TNS1: variants seen among roughly 807,000 people sequenced by gnomAD.
TNS1 encodes tensin 1.
Under a neutral mutation model 168.6 loss-of-function variants are expected in TNS1, and 62 were observed. The observed-to-expected ratio is 0.37, with a 90% CI of 0.30 to 0.45. The LOEUF (loss-of-function observed/expected upper bound fraction) is 0.45, where lower values mean the gene tolerates loss of function less well. Ranked by LOEUF, TNS1 falls within the 20% of genes least tolerant of loss-of-function variation. The pLI, the probability that TNS1 is intolerant of heterozygous loss-of-function variation, is 1.00. For synonymous variants in TNS1, 934 were observed against 933.2 expected (o/e 1.00, Z -0.02); for missense variants, 2,240 against 2,339.4 (o/e 0.96, Z 0.88).
chr2:217,985,702 G>T (rs142044357), intron 2 of TNS1: 4 of 152,098 alleles, frequency 2.6e-5, no homozygotes, highest in Admixed American at 1.3e-4. Flanking sequence ...GATTACAGAC[G>T]GGAGCCACTG....
chr2:217,949,662 G>A (rs910898360), intron 3 of TNS1, among the ~76,000 whole-genome samples: 1 of 152,068 alleles, frequency 6.6e-6, no homozygotes, highest in South Asian at 2.1e-4. Flanking sequence ...TCCATCCTCT[G>A]CCCTGGCTTG....
chr2:217,882,669 T>G (rs1950793097), intron 16 of TNS1, among the ~76,000 whole-genome samples: 1 of 152,204 alleles, frequency 6.6e-6, no homozygotes, highest in Non-Finnish European at 1.5e-5. Context: ...GCTTTTCTAC[T>G]AGCAATTTAC....
chr2:217,850,733 G>A (rs1459771374), intron 18 of TNS1, among the ~76,000 whole-genome samples: 2 of 151,896 alleles, frequency 1.3e-5, no homozygotes, highest in African/African-American at 4.8e-5. Flanking sequence ...GTCACACACC[G>A]AGCCAGACAA....
chr2:217,813,278 A>G lies in TNS1; in HGVS notation c.4891T>C (p.Phe1631Leu). The change falls in exon 27 of 33, where the codon TTT becomes CTT. Residue 1631 changes from phenylalanine to leucine, a missense_variant. Around this residue, in one of 2 missense-constraint regions of TNS1, gnomAD observed 2,131 missense variants for 2,171.2 expected, o/e 0.98. Coordinates refer to ENST00000682258, the MANE Select transcript of TNS1 (RefSeq NM_001387777.1). This position sits in a 1 kb window ranked among gnomAD's most constrained non-coding sequence, Gnocchi z 4.0. ...GDMTHELVRH[F>L]LIETGPRGVK... ...CCTCTGGGGCCAGTCTCTATCAGAA[A>G]ATGCCTGACCAGCTCATGGGTCATG... 1 of 1,598,436 alleles carries G rather than the reference A, an allele frequency of 6.3e-7. No individual in the cohort carries two copies. The highest frequency in any genetic ancestry group is 8.5e-7 in the Non-Finnish European group (1 of 1,171,284).
chr2:217,811,045 A>AT (rs994923705), intron 28 of TNS1, among the ~76,000 whole-genome samples: 3 of 152,054 alleles, frequency 2.0e-5, no homozygotes, highest in African/African-American at 7.3e-5. Flanking sequence ...TGCCTGGATA[A>AT]TTTTTTTACT....
chr2:217,924,288 C>T, intron 3 of TNS1, among the ~76,000 whole-genome samples: 1 of 151,934 alleles, frequency 6.6e-6, no homozygotes, highest in Admixed American at 6.5e-5. Flanking sequence ...CTCCCTAATT[C>T]CCTTATGTTT....
At chr2:217,819,732 C>A (rs1942512443) in intron 23 of TNS1, among the ~76,000 whole-genome samples, 1 of 152,148 alleles carries the variant, frequency 6.6e-6, no homozygotes, top group Non-Finnish European at 1.5e-5. Context: ...TCCTTCTAGA[C>A]CCAAATTTCT....
chr2:217,941,918 C>G (rs1956930147), intron 3 of TNS1, among the ~76,000 whole-genome samples: 2 of 152,180 alleles, frequency 1.3e-5, no homozygotes, highest in Non-Finnish European at 2.9e-5. Flanking sequence ...TGGGTAGAAA[C>G]AGGAGCCTGA....
At chr2:217,915,500 C>T (rs942639025) in intron 4 of TNS1, among the ~76,000 whole-genome samples, 32 of 152,196 alleles carry the variant, frequency 2.1e-4, no homozygotes, top group African/African-American at 6.5e-4. Context: ...TAGAACAGTG[C>T]CTGGCACTGA....
chr2:217,944,521 C>T (rs1216522708), intron 3 of TNS1, among the ~76,000 whole-genome samples: 1 of 152,248 alleles, frequency 6.6e-6, no homozygotes, highest in African/African-American at 2.4e-5. Context: ...TTCTACAGCA[C>T]TCTGCTTTCC....
chr2:217,912,873 C>A (rs940611602), intron 4 of TNS1, among the ~76,000 whole-genome samples: 1 of 152,180 alleles, frequency 6.6e-6, no homozygotes, highest in Non-Finnish European at 1.5e-5. Context: ...GTGCCCCGTG[C>A]CTCCCAAGGC....
intron 18 of TNS1, among the ~76,000 whole-genome samples, chr2:217,866,766 C>T (rs567070146): frequency 6.6e-6 from 1 of 152,300 alleles, no homozygotes; most frequent in Admixed American, 6.5e-5. Context: ...GCCACTGTGG[C>T]TCCAGATCCC....
chr2:218,000,528 A>G (rs985347047), intron 1 of TNS1, among the ~76,000 whole-genome samples: 1 of 152,266 alleles, frequency 6.6e-6, no homozygotes, highest in Non-Finnish European at 1.5e-5. Flanking sequence ...CTGAGCACCT[A>G]CTGCATGCCT....
chr2:217,859,668 A>G (rs112916393), intron 18 of TNS1: 2 of 1,536,238 alleles, frequency 1.3e-6, no homozygotes, highest in African/African-American at 1.4e-5. Context: ...GATGCTTCCA[A>G]TTGACTGGCT....
At chr2:217,998,667 C>T (rs1958510596) in intron 1 of TNS1, among the ~76,000 whole-genome samples, 1 of 152,150 alleles carries the variant, frequency 6.6e-6, no homozygotes, top group African/African-American at 2.4e-5. Context: ...GCCCAGATAA[C>T]TTATTTATTT....
chr2:218,007,451 G>A (rs1199960686), upstream of TNS1, among the ~76,000 whole-genome samples: 1 of 151,500 alleles, frequency 6.6e-6, no homozygotes, highest in Admixed American at 6.6e-5. Context: ...CATGGATGGA[G>A]AATGTTCTTA....
intron 18 of TNS1, chr2:217,879,441 C>T (rs1196252916): frequency 8.8e-6 from 4 of 454,588 alleles, no homozygotes; most frequent in Non-Finnish European, 1.8e-5. Context: ...TGGAGGAGTG[C>T]TTTTCACAAG....
intron 19 of TNS1, among the ~76,000 whole-genome samples, chr2:217,846,081 G>A (rs1359656101): frequency 6.6e-6 from 1 of 152,164 alleles, no homozygotes; most frequent in Non-Finnish European, 1.5e-5. Flanking sequence ...AGATGTGGGA[G>A]AAGGCAGAAG....
intron 4 of TNS1, among the ~76,000 whole-genome samples, chr2:217,916,991 C>T (rs1341076320): frequency 2.0e-5 from 3 of 152,206 alleles, no homozygotes; most frequent in Non-Finnish European, 2.9e-5. Context: ...AAATACAAAC[C>T]CGCCCTTTCC....
Sources: allele counts gnomAD v4.1 joint callset (sites outside exome capture counted in the v4.1 genomes callset), GRCh38; gene constraint gnomAD v4.1.1; regional missense constraint gnomAD v4.1.1; non-coding constraint Gnocchi (gnomAD v3.1); transcripts MANE v1.5; gene names NCBI Gene and HGNC (gene_info 2026-07-23, HGNC 2026-07-21).